DSCAML1: variants seen among roughly 807,000 people sequenced by gnomAD.
DSCAML1 encodes the protein DS cell adhesion molecule like 1.
In DSCAML1, 38 loss-of-function variants were observed where a neutral mutation model predicts 200.5. The ratio of observed to expected loss-of-function variants is 0.19; its 90% confidence interval spans 0.15 to 0.25. The LOEUF is 0.25. DSCAML1 is among the 10% of genes least tolerant of loss of function. The pLI, the probability that DSCAML1 is intolerant of heterozygous loss-of-function variation, is 1.00. For synonymous variants in DSCAML1, 1,215 were observed against 1,165.0 expected (o/e 1.04, Z -0.87); for missense variants, 2,223 against 2,858.8 (o/e 0.78, Z 5.07).
chr11:117,708,129 A>G (rs1338665492), intron 3 of DSCAML1, among the ~76,000 whole-genome samples: 1 of 152,112 alleles, frequency 6.6e-6, no homozygotes, highest in Non-Finnish European at 1.5e-5. Context: ...CCCACACACC[A>G]TAGGACAGTA....
chr11:117,688,926 C>A (rs2053451956), intron 3 of DSCAML1, among the ~76,000 whole-genome samples: 1 of 152,224 alleles, frequency 6.6e-6, no homozygotes, highest in Admixed American at 6.5e-5. Flanking sequence ...AGTGAGTAAC[C>A]CTTTCAGCTC....
Position 117,521,456 on chromosome 11 carries a change from G to A in DSCAML1, c.938-51C>T, listed in dbSNP as rs1345978657. 13 of 1,574,964 alleles carry A rather than the reference G, an allele frequency of 8.3e-6. No homozygotes were observed. In the Admixed American group the frequency reaches 1.4e-4, roughly 18 times the overall value. On this transcript the variant is annotated intron_variant, in intron 5 of 32. Coordinates refer to ENST00000651296, the MANE Select transcript of DSCAML1 (RefSeq NM_020693.4). ...GGGAAATGGGAGGGAGGAAAGAACAGAAAAAGGGCTTACTGTGAGTGGAGT... is the reference window on the plus strand; with the variant it reads ...GGGAAATGGGAGGGAGGAAAGAACAAAAAAAGGGCTTACTGTGAGTGGAGT...
At chr11:117,664,311 G>A (rs1201685215) in intron 3 of DSCAML1, among the ~76,000 whole-genome samples, 1 of 152,224 alleles carries the variant, frequency 6.6e-6, no homozygotes, top group Non-Finnish European at 1.5e-5. Flanking sequence ...CAGGCTTTCT[G>A]AGCAGGTATT....
intron 11 of DSCAML1, among the ~76,000 whole-genome samples, chr11:117,496,979 C>G (rs1489948440): frequency 6.6e-6 from 1 of 152,222 alleles, no homozygotes; most frequent in Non-Finnish European, 1.5e-5. Context: ...ATTGGGAGGT[C>G]AGTAAGATCT....
chr11:117,435,878 C>A (rs1011181227), intron 26 of DSCAML1, 79 bp from the exon 27 acceptor site: 1 of 1,468,798 alleles, frequency 6.8e-7, no homozygotes, highest in African/African-American at 1.4e-5. Context: ...GTGGGGCAGT[C>A]CTCTGACCTC....
chr11:117,444,999 G>A (rs1592588500), intron 20 of DSCAML1, among the ~76,000 whole-genome samples: 1 of 152,116 alleles, frequency 6.6e-6, no homozygotes, highest in East Asian at 1.9e-4. Context: ...ATGGGGGCCC[G>A]AGGCCAGAGG....
At chr11:117,740,708 C>T (rs1000077793) in intron 3 of DSCAML1, among the ~76,000 whole-genome samples, 3 of 152,232 alleles carry the variant, frequency 2.0e-5, no homozygotes, top group Non-Finnish European at 4.4e-5. Flanking sequence ...GGACAAGCCT[C>T]GTCTTAGCAA....
intron 3 of DSCAML1, among the ~76,000 whole-genome samples, chr11:117,764,854 G>T (rs192958485): frequency 2.0e-5 from 3 of 152,176 alleles, no homozygotes; most frequent in Non-Finnish European, 4.4e-5. Flanking sequence ...TCTTAGAAGG[G>T]ATTCCTTTGT....
At chr11:117,483,995 C>T (rs1389024911) in intron 11 of DSCAML1, among the ~76,000 whole-genome samples, 1 of 151,828 alleles carries the variant, frequency 6.6e-6, no homozygotes, top group South Asian at 2.1e-4. Context: ...GCTTTGTCTT[C>T]TCTGTCCTCA....
chr11:117,443,724 G>A (rs539499321), intron 21 of DSCAML1, among the ~76,000 whole-genome samples, 162 bp downstream of exon 21: 1 of 152,250 alleles, frequency 6.6e-6, no homozygotes, highest in Non-Finnish European at 1.5e-5. Context: ...GGCAGCAGAG[G>A]CCCAGTCTTG....
intron 21 of DSCAML1, 143 bp downstream of exon 21, chr11:117,443,743 G>C (rs1044108190): frequency 1.7e-6 from 2 of 1,173,028 alleles, no homozygotes; most frequent in Admixed American, 4.7e-5. Context: ...TGGTGTGTGC[G>C]GGAGGCAGGC....
At chr11:117,484,662 G>A (rs527878643) in intron 11 of DSCAML1, among the ~76,000 whole-genome samples, 5 of 152,302 alleles carry the variant, frequency 3.3e-5, no homozygotes, top group African/African-American at 4.8e-5. Flanking sequence ...TAATTCACTC[G>A]TATAAACCTG....
intron 1 of DSCAML1, among the ~76,000 whole-genome samples, chr11:117,790,753 C>T (rs1409813101): frequency 1.3e-5 from 2 of 152,170 alleles, no homozygotes; most frequent in Admixed American, 1.3e-4. Flanking sequence ...TAATTTTGCC[C>T]ATTTTACAGA....
chr11:117,466,770 C>T (rs1462915859), intron 16 of DSCAML1, among the ~76,000 whole-genome samples: 1 of 152,138 alleles, frequency 6.6e-6, no homozygotes, highest in Non-Finnish European at 1.5e-5. Context: ...TCTGGAAGTG[C>T]TAGTGGTGAT....
intron 3 of DSCAML1, among the ~76,000 whole-genome samples, chr11:117,655,857 C>A (rs1430111165): frequency 6.6e-6 from 1 of 152,204 alleles, no homozygotes; most frequent in African/African-American, 2.4e-5. Context: ...TTGCCTTTTC[C>A]CCACCTACAG....
rs1430813594 is a variant in DSCAML1, at chr11:117,428,725, A to G, written c.5765T>C (p.Val1922Ala). Reference protein sequence around the residue: ...RKADGREPCPVVPPREASIRN... With the variant: ...RKADGREPCPAVPPREASIRN... ...GATGGAGGCCTCACGGGGTGGGACCACGGGGCAGGGCTCACGTCCATCTGC... is the reference window on the plus strand; with the variant it reads ...GATGGAGGCCTCACGGGGTGGGACCGCGGGGCAGGGCTCACGTCCATCTGC... The change falls in exon 33 of 33, where the codon GTG (valine) becomes GCG (alanine). Residue 1922 changes from valine to alanine, a missense_variant. Physicochemically the swap from Val to Ala is moderately conservative, Grantham distance 64. Transcript: ENST00000651296. 3 of 1,613,248 alleles carry G rather than the reference A, an allele frequency of 1.9e-6. No individual in the cohort carries two copies. In the South Asian group the frequency reaches 3.3e-5, roughly 18 times the overall value.
chr11:117,635,394 G>T (rs1017028196), intron 3 of DSCAML1, among the ~76,000 whole-genome samples: 1 of 151,996 alleles, frequency 6.6e-6, no homozygotes, highest in African/African-American at 2.4e-5. Context: ...CAAGGGATGT[G>T]GTGCCAGTGG....
In DSCAML1 at chr11:117,435,641, C is replaced by A. The variant is rs371905121; in HGVS notation, c.4876+3G>T. Reference sequence around the variant, plus strand: ...CTGGAAGGCCCATAGGAAGCTCCCCCACCTCGGAGTCGCTTCAGCCGTTTC... The same window carrying A: ...CTGGAAGGCCCATAGGAAGCTCCCCAACCTCGGAGTCGCTTCAGCCGTTTC... On this transcript the variant is annotated splice_donor_region_variant and intron_variant, in intron 27 of 32. Coordinates refer to ENST00000651296, the MANE Select transcript of DSCAML1 (RefSeq NM_020693.4). 6.2e-5 allele frequency: 99 copies of A among 1,591,994 alleles called. No individual in the cohort carries two copies. The highest frequency in any genetic ancestry group is 7.8e-5 in the Non-Finnish European group (91 of 1,162,492).
chr11:117,454,037 T>C (rs1038593995), intron 19 of DSCAML1, among the ~76,000 whole-genome samples: 2 of 152,160 alleles, frequency 1.3e-5, no homozygotes, highest in East Asian at 3.9e-4. Context: ...ACAATAGAGT[T>C]TGTAGAGCTT....
Sources: allele counts gnomAD v4.1 joint callset (sites outside exome capture counted in the v4.1 genomes callset), GRCh38; gene constraint gnomAD v4.1.1; transcripts MANE v1.5; gene names NCBI Gene and HGNC (gene_info 2026-07-23, HGNC 2026-07-21).